PLEKHG3: variants seen among roughly 807,000 people sequenced by gnomAD.
The protein encoded by PLEKHG3 is pleckstrin homology and RhoGEF domain containing G3.
A neutral mutation model predicts 94.9 loss-of-function variants in PLEKHG3; 62 were observed. That is an observed-to-expected ratio of 0.65 (90% CI 0.53 to 0.81). The LOEUF (loss-of-function observed/expected upper bound fraction) is 0.81, where lower values mean the gene tolerates loss of function less well. Among genes scored for constraint, PLEKHG3 ranks in the 30% least tolerant of loss-of-function variants. The pLI, the probability that PLEKHG3 is intolerant of heterozygous loss-of-function variation, is 0.00. For synonymous variants in PLEKHG3, 614 were observed against 654.0 expected, an observed-to-expected ratio of 0.94 and a Z score of 0.93; for missense variants, 1,461 against 1,619.3, an observed-to-expected ratio of 0.90 and a Z score of 1.68.
At chr14:64,705,900 G>T (rs562126857) in intron 1 of PLEKHG3, among the ~76,000 whole-genome samples, 1 of 152,304 alleles carries the variant, frequency 6.6e-6, no homozygotes, top group Admixed American at 6.5e-5. Context: ...TTCCGGGCTG[G>T]CCCCCTGGAT....
chr14:64,709,214 T>C (rs1396496617), intron 1 of PLEKHG3, among the ~76,000 whole-genome samples: 1 of 152,174 alleles, frequency 6.6e-6, no homozygotes, highest in Non-Finnish European at 1.5e-5. Context: ...AGTGATGGGC[T>C]TCAGCCGTGG....
chr14:64,708,234 G>A (rs771789624), intron 1 of PLEKHG3, among the ~76,000 whole-genome samples: 2 of 152,210 alleles, frequency 1.3e-5, no homozygotes, highest in African/African-American at 2.4e-5. Context: ...GATGACAGGG[G>A]CAGCCCTGAC....
intron 12 of PLEKHG3, among the ~76,000 whole-genome samples, chr14:64,735,591 T>G (rs2081553942): frequency 6.6e-6 from 1 of 152,242 alleles, no homozygotes; most frequent in Non-Finnish European, 1.5e-5. Flanking sequence ...CCAGCCTGGC[T>G]GACAGATGAG....
At chr14:64,733,649 A>T (rs1261055516) in intron 12 of PLEKHG3, among the ~76,000 whole-genome samples, 3 of 152,206 alleles carry the variant, frequency 2.0e-5, no homozygotes, top group African/African-American at 7.2e-5. Context: ...GGACCCGGGG[A>T]AAACGAGTTC....
chr14:64,731,846 G>T lies in PLEKHG3; in HGVS notation c.1125+40G>T. On this transcript the variant is annotated intron_variant, in intron 9 of 16. Transcript: ENST00000247226. This position sits in a 1 kb window ranked among gnomAD's most constrained non-coding sequence, Gnocchi z 6.1. ...GGGCTCAGGGGCTAGGGAACAAGAT[G>T]CCCAGGGGACACCTGCGTGGGACTC... is the stretch of plus-strand genomic sequence containing the variant. 7.0e-7 allele frequency: 1 copy of T among 1,429,104 alleles called. No individual in the cohort carries two copies. The allele number at this position is 1,429,104 out of a possible 1,614,324, so 88.5% of individuals were successfully genotyped here.
rs1162827935 is a variant in PLEKHG3, at chr14:64,746,234, T to C, written c.*2531T>C. 1 of 152,166 alleles carries C rather than the reference T, an allele frequency of 6.6e-6. No homozygotes were observed. Among genetic ancestry groups the C allele is most frequent in the Admixed American group, 6.5e-5 (1 of 15,280 alleles). The allele number at this position is 152,166 out of a possible 1,614,324, so 9.4% of individuals were successfully genotyped here. On this transcript the variant is annotated 3_prime_UTR_variant, in exon 17 of 17. Transcript: ENST00000247226. The surrounding 1 kb of genome is among the most constrained non-coding windows in gnomAD (Gnocchi z 4.9). ...CTCCATGGTGCCAGCCCTCTTAGGCTCAGTTCAAAGGGAGAGGAGGCTAGT... is the reference window on the plus strand; with the variant it reads ...CTCCATGGTGCCAGCCCTCTTAGGCCCAGTTCAAAGGGAGAGGAGGCTAGT...
chr14:64,744,965 G>A lies in PLEKHG3; in HGVS notation c.*1262G>A, dbSNP rs961062866. On this transcript the variant is annotated 3_prime_UTR_variant, in exon 17 of 17. Coordinates refer to ENST00000247226, the MANE Select transcript of PLEKHG3 (RefSeq NM_001308147.2). ...AATTTTTTGTATTTTTAGTAGAGAC[G>A]GGGTTTCGCCGTGTTGACCAGGCTG... is the stretch of plus-strand genomic sequence containing the variant. 1.3e-5 allele frequency: 2 copies of A among 151,950 alleles called. No homozygotes were observed. The highest frequency in any genetic ancestry group is 2.1e-4 in the South Asian group (1 of 4,798). The allele number at this position is 151,950 out of a possible 1,614,324, so 9.4% of individuals were successfully genotyped here.
chr14:64,736,689 G>A (rs1324233801), intron 12 of PLEKHG3, among the ~76,000 whole-genome samples, 164 bp from the exon 13 acceptor site: 7 of 152,188 alleles, frequency 4.6e-5, no homozygotes, highest in Non-Finnish European at 1.0e-4. Context: ...AAGGGGGCTC[G>A]CCGACACTGT....
Position 64,731,240 on chromosome 14 carries a change from T to C in PLEKHG3, c.849+71T>C, listed in dbSNP as rs2081456686. ...CCAGGCTTCCGCTGGGAAGAGGGAC[T>C]GTGGCCACCCTGCTGGGATGAGCTG... On this transcript the variant is annotated intron_variant, in intron 7 of 16. Transcript: ENST00000247226. This position sits in a 1 kb window ranked among gnomAD's most constrained non-coding sequence, Gnocchi z 6.1. The C allele has an allele frequency of 6.7e-7, 1 of 1,492,654 alleles. No homozygotes were observed. Among genetic ancestry groups the C allele is most frequent in the Admixed American group, 1.7e-5 (1 of 57,660 alleles). 92.5% of individuals were successfully genotyped at this position (1,492,654 alleles called of 1,614,324 possible).
At position 64,710,628 on chromosome 14, in the gene PLEKHG3, G is replaced by A. The variant is rs113223824; in HGVS notation, c.-40+5924G>A. On this transcript the variant is annotated intron_variant, in intron 1 of 16. Transcript: ENST00000247226. ...GGAGGTTGCAGTGGGCCGAGATTGC[G>A]CCATTGCACTCCAGCCTGGGCGACA... Among the ~76,000 whole-genome samples the A allele has an allele frequency of 4.9e-4, 74 of 152,210 alleles. 1 individual carries two copies. Among genetic ancestry groups the A allele is most frequent in the African/African-American group, 1.5e-3 (64 of 41,516 alleles).
Position 64,727,483 on chromosome 14 carries a change from A to G in PLEKHG3, c.-39-110A>G. 1.7e-6 allele frequency: 1 copy of G among 589,274 alleles called. No homozygotes were observed. Among genetic ancestry groups the G allele is most frequent in the South Asian group, 2.0e-5 (1 of 49,112 alleles). 36.5% of individuals were successfully genotyped at this position (589,274 alleles called of 1,614,324 possible). On this transcript the variant is annotated intron_variant, in intron 1 of 16. Coordinates refer to ENST00000247226, the MANE Select transcript of PLEKHG3 (RefSeq NM_001308147.2). This position sits in a 1 kb window ranked among gnomAD's most constrained non-coding sequence, Gnocchi z 6.0. The stretch of plus-strand genomic sequence containing the variant: ...TCTTCTAAAACTGAACTCTGGATGC[A>G]CTAAATAATACCTTCCCACCCCACC...
At position 64,718,424 on chromosome 14, in the gene PLEKHG3, A is replaced by G. The variant is rs2081206042; in HGVS notation, c.-39-9169A>G. ...CCTGGATTCTCTCCCTCCTTTTCTT[A>G]CAGATGCCTTGTCTTGTTTTGCCTT... On this transcript the variant is annotated intron_variant, in intron 1 of 16. Coordinates refer to ENST00000247226, the MANE Select transcript of PLEKHG3 (RefSeq NM_001308147.2). This position sits in a 1 kb window ranked among gnomAD's most constrained non-coding sequence, Gnocchi z 5.0. 6.6e-6 allele frequency among the ~76,000 whole-genome samples: 1 copy of G among 152,028 alleles called. No individual in the cohort carries two copies. Among genetic ancestry groups the G allele is most frequent in the South Asian group, 2.1e-4 (1 of 4,820 alleles).
Position 64,741,181 on chromosome 14 carries a change from A to AC in PLEKHG3, c.1670dup (p.Gly558ArgfsTer2), listed in dbSNP as rs2081681747. ...GCCCACCAGGGCCTTCTGGGGATGG[A>AC]CCCCCCAGGTGACATGGTGGACTTC... is the stretch of plus-strand genomic sequence containing the variant. On this transcript the variant is annotated frameshift_variant, in exon 16 of 17. Transcript: ENST00000247226. LOFTEE classifies it high-confidence loss of function. The AC allele has an allele frequency of 3.1e-6, 5 of 1,613,728 alleles. No homozygotes were observed. Among genetic ancestry groups the AC allele is most frequent in the East Asian group, 2.2e-5 (1 of 44,882 alleles).
Position 64,736,725 on chromosome 14 carries a change from G to T in PLEKHG3, c.1346-128G>T. On this transcript the variant is annotated intron_variant, in intron 12 of 16. Coordinates refer to ENST00000247226, the MANE Select transcript of PLEKHG3 (RefSeq NM_001308147.2). Reference sequence around the variant, plus strand: ...GGAAGGCAGCTTCCCTGGGGCCTATGACTGCAGGGGGCCAAGCCAGAGTGG... The same window carrying T: ...GGAAGGCAGCTTCCCTGGGGCCTATTACTGCAGGGGGCCAAGCCAGAGTGG... 4.0e-6 allele frequency: 3 copies of T among 754,296 alleles called. No homozygotes were observed. In the South Asian group the frequency reaches 4.3e-5, roughly 11 times the overall value. 46.7% of individuals were successfully genotyped at this position (754,296 alleles called of 1,614,324 possible). A position where few individuals can be genotyped will look rare whatever the true frequency, so the allele number is the denominator to read the frequency against.
intron 12 of PLEKHG3, among the ~76,000 whole-genome samples, chr14:64,735,634 CAAAA>C (rs1566710720): frequency 6.6e-6 from 1 of 152,202 alleles, no homozygotes; most frequent in Admixed American, 6.5e-5. Context: ...CAAAACAAAA[CAAAA>C]AAAGAAATCA....
In PLEKHG3 at chr14:64,730,985, G is replaced by A. The variant is rs748520661; in HGVS notation, c.717+36G>A. The A allele has an allele frequency of 6.2e-7, 1 of 1,613,684 alleles. No individual in the cohort carries two copies. The highest frequency in any genetic ancestry group is 8.5e-7 in the Non-Finnish European group (1 of 1,179,994). On this transcript the variant is annotated intron_variant, in intron 6 of 16. Coordinates refer to ENST00000247226, the MANE Select transcript of PLEKHG3 (RefSeq NM_001308147.2). This position sits in a 1 kb window ranked among gnomAD's most constrained non-coding sequence, Gnocchi z 5.4. ...GGTCCTCCCAAGCACCTAGGGCCTG[G>A]GGAGGGCAGGGCCTTCGGGTCAGGG...
Position 64,738,955 on chromosome 14 carries a change from G to A in PLEKHG3, c.1518+100G>A, listed in dbSNP as rs1406832631. The A allele has an allele frequency of 1.3e-6, 1 of 744,958 alleles. No homozygotes were observed. The highest frequency in any genetic ancestry group is 1.7e-5 in the African/African-American group (1 of 57,570). 46.1% of individuals were successfully genotyped at this position (744,958 alleles called of 1,614,324 possible). On this transcript the variant is annotated intron_variant, in intron 15 of 16. Transcript: ENST00000247226. This position sits in a 1 kb window ranked among gnomAD's most constrained non-coding sequence, Gnocchi z 4.8. ...TTTCAGGCACAGGCTCTCCCACTGG[G>A]CCCATGGGAACAGAGATTCCCCACC...
At position 64,716,453 on chromosome 14, in the gene PLEKHG3, CACACACACACACAACACACACACACACA is replaced by C. The variant is rs2081150624; in HGVS notation, c.-39-11126_-39-11099del. 1.5e-5 allele frequency among the ~76,000 whole-genome samples: 2 copies of C among 135,964 alleles called. No individual in the cohort carries two copies. The highest frequency in any genetic ancestry group is 3.0e-5 in the African/African-American group (1 of 33,730). The allele number at this position is 135,964 out of a possible 152,430, so 89.2% of individuals were successfully genotyped here. A position where few individuals can be genotyped will look rare whatever the true frequency, so the allele number is the denominator to read the frequency against. ...AGGGCCCTACACACACACACACACA[CACACACACACACAACACACACACACACA>C]ACACACACACACACAACACACACAC... On this transcript the variant is annotated intron_variant, in intron 1 of 16. Coordinates refer to ENST00000247226, the MANE Select transcript of PLEKHG3 (RefSeq NM_001308147.2). The surrounding 1 kb of genome is among the most constrained non-coding windows in gnomAD (Gnocchi z 5.0).
chr14:64,746,540 G>GGGAGGAA lies in PLEKHG3; in HGVS notation c.*2839_*2845dup, dbSNP rs1200464606. 1.3e-5 allele frequency: 2 copies of GGGAGGAA among 152,606 alleles called. No homozygotes were observed. Among genetic ancestry groups the GGGAGGAA allele is most frequent in the African/African-American group, 4.8e-5 (2 of 41,448 alleles). The allele number at this position is 152,606 out of a possible 1,614,324, so 9.5% of individuals were successfully genotyped here. A position where few individuals can be genotyped will look rare whatever the true frequency, so the allele number is the denominator to read the frequency against. On this transcript the variant is annotated 3_prime_UTR_variant, in exon 17 of 17. Coordinates refer to ENST00000247226, the MANE Select transcript of PLEKHG3 (RefSeq NM_001308147.2). The surrounding 1 kb of genome is among the most constrained non-coding windows in gnomAD (Gnocchi z 4.9). ...TGGATTCCTGCCCCCCTCCCATGAA[G>GGGAGGAA]GGAGGAAGAGGATTCAGGGTCAGCC... is the stretch of plus-strand genomic sequence containing the variant.
Sources: allele counts gnomAD v4.1 joint callset (sites outside exome capture counted in the v4.1 genomes callset), GRCh38; gene constraint gnomAD v4.1.1; non-coding constraint Gnocchi (gnomAD v3.1); transcripts MANE v1.5; gene names NCBI Gene and HGNC (gene_info 2026-07-23, HGNC 2026-07-21).